The following RBM20 variants were observed in gnomAD, a reference collection of about 807,000 sequenced individuals.
The protein encoded by RBM20 is RNA binding motif protein 20, also known as RNA-binding protein 20.
In RBM20, 51 loss-of-function variants were observed where a neutral mutation model predicts 110.1. That is an observed-to-expected ratio of 0.46 (90% confidence interval 0.37 to 0.59). The LOEUF (loss-of-function observed/expected upper bound fraction) is 0.59. Among genes scored for constraint, RBM20 ranks in the 20% least tolerant of loss-of-function variants. The pLI is 0.00. For synonymous variants in RBM20, 589 were observed against 618.2 expected (o/e 0.95, Z 0.70); for missense variants, 1,512 against 1,574.9 (o/e 0.96, Z 0.68).
chr10:110,728,471 T>C (rs1183100295), intron 1 of RBM20, among the ~76,000 whole-genome samples: 2 of 149,896 alleles, frequency 1.3e-5, no homozygotes, highest in East Asian at 3.9e-4. Context: ...AGGTAGACTT[T>C]GGTAGACTTT....
rs541559389 is a variant in RBM20, at chr10:110,754,493, C to T, written c.192-26308C>T. ...ATATATGTTGGGCCTTCTGACTTAT[C>T]CCCTATAGTCTAAATCCACTCTTCT... is the stretch of plus-strand genomic sequence containing the variant. On this transcript the variant is annotated intron_variant, in intron 1 of 13. Transcript: ENST00000369519. Among the ~76,000 whole-genome samples the T allele has an allele frequency of 4.1e-3, 618 of 152,288 alleles. 5 individuals carry two copies. The highest frequency in any genetic ancestry group is 8.6e-3 in the Admixed American group (131 of 15,292).
intron 12 of RBM20, among the ~76,000 whole-genome samples, chr10:110,830,641 G>A (rs751715181): frequency 1.3e-5 from 2 of 152,050 alleles, no homozygotes; most frequent in African/African-American, 4.8e-5. Flanking sequence ...AAACAAAAAC[G>A]AGAGAATTCT....
chr10:110,644,435 C>T lies in RBM20; in HGVS notation c.-20C>T. On this transcript the variant is annotated 5_prime_UTR_variant, in exon 1 of 14. Coordinates refer to ENST00000369519, the MANE Select transcript of RBM20 (RefSeq NM_001134363.3). This position sits in a 1 kb window ranked among gnomAD's most constrained non-coding sequence, Gnocchi z 4.3. ...TCCCTTGAGCTCTCTCGCCGCGATC[C>T]CGGGCGGGTCTCGCCCCGCATGGTG... 6.9e-7 allele frequency: 1 copy of T among 1,458,902 alleles called. No homozygotes were observed. Among genetic ancestry groups the T allele is most frequent in the Non-Finnish European group, 9.0e-7 (1 of 1,110,306 alleles). 90.4% of individuals were successfully genotyped at this position (1,458,902 alleles called of 1,614,324 possible).
Position 110,812,577 on chromosome 10 carries a change from CAGA to C in RBM20, c.2183_2185del (p.Glu728del), listed in dbSNP as rs876657977. ...GACAAGGCTGAGTTGGACGAGCGAC[CAGA>C]AGGAGGGAGGCCCCACCGGGAGAAG... is the stretch of plus-strand genomic sequence containing the variant. On this transcript the variant is annotated inframe_deletion, in exon 9 of 14. Transcript: ENST00000369519. 10 of 1,551,668 alleles carry C rather than the reference CAGA, an allele frequency of 6.4e-6. No individual in the cohort carries two copies. The highest frequency in any genetic ancestry group is 3.3e-4 in the Middle Eastern group (2 of 5,992).
At chr10:110,816,502 C>A (rs1428841328) in intron 9 of RBM20, among the ~76,000 whole-genome samples, 3 of 152,076 alleles carry the variant, frequency 2.0e-5, no homozygotes, top group Non-Finnish European at 4.4e-5. Context: ...CCATTCCTCT[C>A]CCTCGCACCG....
rs562217304 is a variant in RBM20, at chr10:110,779,442, G to A, written c.192-1359G>A. Among the ~76,000 whole-genome samples, 16 of 152,278 alleles carry A rather than the reference G, an allele frequency of 1.1e-4. No homozygotes were observed. The East Asian group carries it at 2.7e-3, about 26-fold the overall frequency. ...TTGCCCCATGCACCTCTTCCATCTGGTGTTCATTGGCATCCTTTGTCATAT... is the reference window on the plus strand; with the variant it reads ...TTGCCCCATGCACCTCTTCCATCTGATGTTCATTGGCATCCTTTGTCATAT... On this transcript the variant is annotated intron_variant, in intron 1 of 13. Transcript: ENST00000369519.
chr10:110,766,263 G>T (rs1203617985), intron 1 of RBM20, among the ~76,000 whole-genome samples: 2 of 152,020 alleles, frequency 1.3e-5, no homozygotes, highest in Non-Finnish European at 2.9e-5. Context: ...ATGGGCCTGT[G>T]TATCTAACCG....
intron 1 of RBM20, among the ~76,000 whole-genome samples, chr10:110,697,970 C>T (rs752705546): frequency 1.4e-4 from 21 of 149,492 alleles, no homozygotes; most frequent in African/African-American, 2.0e-4. Flanking sequence ...TGCAGTGGTG[C>T]GATGTCGGCT....
intron 9 of RBM20, 82 bp from the exon 10 acceptor site, chr10:110,819,990 C>T: frequency 1.2e-6 from 1 of 831,822 alleles, no homozygotes; most frequent in Non-Finnish European, 1.9e-6. Context: ...GAGCTGGGAC[C>T]TGCATTCAAT....
At chr10:110,747,186 A>C (rs1208750245) in intron 1 of RBM20, among the ~76,000 whole-genome samples, 2 of 152,168 alleles carry the variant, frequency 1.3e-5, no homozygotes, top group Non-Finnish European at 2.9e-5. Context: ...CAGAATAGAA[A>C]GTTAAAAAAA....
intron 1 of RBM20, among the ~76,000 whole-genome samples, chr10:110,683,918 A>G (rs1393491312): frequency 6.6e-6 from 1 of 152,222 alleles, no homozygotes; most frequent in Non-Finnish European, 1.5e-5. Context: ...CTGGAAGATA[A>G]TGGAAGAAAA....
intron 1 of RBM20, among the ~76,000 whole-genome samples, chr10:110,679,086 T>G (rs1489839430): frequency 6.6e-6 from 1 of 152,240 alleles, no homozygotes; most frequent in African/African-American, 2.4e-5. Context: ...AAATGGAGCC[T>G]CTGCTTCTTA....
At chr10:110,792,177 ATCTATCTATC>A (rs1564847546) in intron 5 of RBM20, among the ~76,000 whole-genome samples, 37 of 151,500 alleles carry the variant, frequency 2.4e-4, no homozygotes, top group South Asian at 6.3e-4. Flanking sequence ...CTATCTATCT[ATCTATCTATC>A]TATGTATCCA....
chr10:110,644,772 G>T lies in RBM20; in HGVS notation c.191+127G>T. The T allele has an allele frequency of 1.5e-6, 1 of 683,336 alleles. No individual in the cohort carries two copies. Among genetic ancestry groups the T allele is most frequent in the South Asian group, 2.2e-5 (1 of 45,918 alleles). 42.3% of individuals were successfully genotyped at this position (683,336 alleles called of 1,614,324 possible). A position where few individuals can be genotyped will look rare whatever the true frequency, so the allele number is the denominator to read the frequency against. The stretch of plus-strand genomic sequence containing the variant: ...CCCCCCTTGGGTTTGAAGTTTTCTC[G>T]TACCCCCTCTGGGCAGAGTCGGTGT... On this transcript the variant is annotated intron_variant, in intron 1 of 13. Coordinates refer to ENST00000369519, the MANE Select transcript of RBM20 (RefSeq NM_001134363.3). The surrounding 1 kb of genome is among the most constrained non-coding windows in gnomAD (Gnocchi z 4.3).
chr10:110,821,788 C>G lies in RBM20; in HGVS notation c.3169C>G (p.Arg1057Gly), dbSNP rs199830512. ...CCCTAAGCCAGCAGAGGAGAGGGCCCGGCAGCCAAGCCCATTTGTGGATGA... is the reference window on the plus strand; with the variant it reads ...CCCTAAGCCAGCAGAGGAGAGGGCCGGGCAGCCAAGCCCATTTGTGGATGA... ...SSPKPAEERA[R>G]QPSPFVDDCK... Residue 1057 changes from arginine (R) to glycine (G), a missense_variant, in exon 11 of 14, where the codon CGG (arginine) becomes GGG (glycine). Around this residue, in one of 3 missense-constraint regions of RBM20, gnomAD observed 358 missense variants for 384.2 expected, o/e 0.93. Transcript: ENST00000369519. 6 of 1,551,600 alleles carry G rather than the reference C, an allele frequency of 3.9e-6. No individual in the cohort carries two copies. The African/African-American group carries it at 8.2e-5, about 21-fold the overall frequency.
chr10:110,650,969 C>T (rs1224705241), intron 1 of RBM20, among the ~76,000 whole-genome samples: 2 of 152,162 alleles, frequency 1.3e-5, no homozygotes, highest in Non-Finnish European at 2.9e-5. Context: ...AGCATCTTTG[C>T]TCTAAGTTAA....
intron 1 of RBM20, among the ~76,000 whole-genome samples, chr10:110,751,535 A>G (rs949906104): frequency 2.6e-5 from 4 of 152,228 alleles, no homozygotes; most frequent in Non-Finnish European, 5.9e-5. Context: ...ATGTCTGACA[A>G]AATTCATAAT....
chr10:110,835,914 G>C lies in RBM20; in HGVS notation c.3620G>C (p.Gly1207Ala), dbSNP rs1445792703. The change falls in exon 14 of 14, where the codon GGG (glycine) becomes GCG (alanine). Residue 1207 changes from glycine (G) to alanine (A), a missense_variant. Gly to Ala is a moderately conservative substitution (Grantham distance 60, BLOSUM62 0). Transcript: ENST00000369519. Reference sequence around the variant, plus strand: ...GAGGAGGGCCTCAAGGAGACCGAGGGGGCAGATAGCCCGAGGCCAGAGGAC... The same window carrying C: ...GAGGAGGGCCTCAAGGAGACCGAGGCGGCAGATAGCCCGAGGCCAGAGGAC... ...LAEEGLKETEGADSPRPEDSG... is the reference protein window; with the variant it reads ...LAEEGLKETEAADSPRPEDSG... 5 of 1,536,942 alleles carry C rather than the reference G, an allele frequency of 3.3e-6. No individual in the cohort carries two copies. The South Asian group carries it at 6.0e-5, about 18-fold the overall frequency.
At chr10:110,729,703 C>T (rs921357465) in intron 1 of RBM20, among the ~76,000 whole-genome samples, 2 of 152,214 alleles carry the variant, frequency 1.3e-5, no homozygotes, top group African/African-American at 4.8e-5. Context: ...CTGGCTGTAG[C>T]GCAGACAGGC....
Sources: allele counts gnomAD v4.1 joint callset (sites outside exome capture counted in the v4.1 genomes callset), GRCh38; gene constraint gnomAD v4.1.1; regional missense constraint gnomAD v4.1.1; non-coding constraint Gnocchi (gnomAD v3.1); transcripts MANE v1.5; gene names NCBI Gene and HGNC (gene_info 2026-07-23, HGNC 2026-07-21).